The following UBE2E2 variants were observed in gnomAD, a reference collection of about 807,000 sequenced individuals.
The protein encoded by UBE2E2 is ubiquitin-conjugating enzyme E2 E2.
In UBE2E2, 6 loss-of-function variants were observed where a neutral mutation model predicts 24.7. The ratio of observed to expected loss-of-function variants is 0.24; its 90% CI spans 0.13 to 0.48. The LOEUF (loss-of-function observed/expected upper bound fraction) is 0.48. UBE2E2 is among the 20% of genes least tolerant of loss of function. The pLI, the probability that UBE2E2 is intolerant of heterozygous loss-of-function variation, is 0.99. For missense variants in UBE2E2, 169 were observed against 245.0 expected (o/e 0.69, Z 2.07); for synonymous variants, 104 against 83.6 (o/e 1.24, Z -1.33).
chr3:23,286,865 G>A (rs1698626678), intron 3 of UBE2E2, among the ~76,000 whole-genome samples: 1 of 152,066 alleles, frequency 6.6e-6, no homozygotes, highest in Non-Finnish European at 1.5e-5. Context: ...TCACTTCTTA[G>A]ATTAAGCTAA....
chr3:23,473,355 A>T (rs1224040977), intron 3 of UBE2E2, among the ~76,000 whole-genome samples: 3 of 152,112 alleles, frequency 2.0e-5, no homozygotes, highest in African/African-American at 7.3e-5. Context: ...TTTACTGATT[A>T]TCCCCAGGGG....
intron 3 of UBE2E2, among the ~76,000 whole-genome samples, chr3:23,288,764 T>TA (rs914362751): frequency 1.2e-3 from 168 of 145,392 alleles, no homozygotes; most frequent in Admixed American, 1.8e-3. Context: ...TCTTACAATG[T>TA]AAAAAAAAAA....
intron 3 of UBE2E2, among the ~76,000 whole-genome samples, chr3:23,335,410 G>A (rs1695176503): frequency 6.6e-6 from 1 of 152,096 alleles, no homozygotes; most frequent in African/African-American, 2.4e-5. Flanking sequence ...GCATTTTCGG[G>A]GGTAGATTGC....
Position 23,474,089 on chromosome 3 carries a change from A to G in UBE2E2, c.228-25519A>G, listed in dbSNP as rs1431415579. 2.6e-5 allele frequency among the ~76,000 whole-genome samples: 4 copies of G among 151,730 alleles called. No individual in the cohort carries two copies. Among genetic ancestry groups the G allele is most frequent in the Admixed American group, 6.6e-5 (1 of 15,260 alleles). On this transcript the variant is annotated intron_variant, in intron 3 of 5. Coordinates refer to ENST00000396703, the MANE Select transcript of UBE2E2 (RefSeq NM_152653.4). The surrounding 1 kb of genome is among the most constrained non-coding windows in gnomAD (Gnocchi z 4.0). ...ATATATTTTTTTATTTTTTTGCGGG[A>G]GTAAGATGGTATCGCATTGTGGTTT...
intron 3 of UBE2E2, among the ~76,000 whole-genome samples, chr3:23,223,452 C>CA (rs1041021079): frequency 3.3e-5 from 5 of 152,138 alleles, no homozygotes. Context: ...CTTGGCCTCC[C>CA]AAAGTGCTAG....
chr3:23,254,281 C>T (rs891181155), intron 3 of UBE2E2, among the ~76,000 whole-genome samples: 7 of 152,172 alleles, frequency 4.6e-5, no homozygotes, highest in Non-Finnish European at 8.8e-5. Context: ...AATATGCCAA[C>T]TGATGCTTAC....
intron 4 of UBE2E2, among the ~76,000 whole-genome samples, chr3:23,527,446 T>G (rs1442614421): frequency 6.6e-6 from 1 of 152,164 alleles, no homozygotes; most frequent in Non-Finnish European, 1.5e-5. Context: ...TATATACTAT[T>G]TGGTCCTGAT....
chr3:23,579,917 G>C (rs557617259), intron 5 of UBE2E2, among the ~76,000 whole-genome samples: 2 of 152,268 alleles, frequency 1.3e-5, no homozygotes, highest in East Asian at 3.9e-4. Context: ...TGGATGATTT[G>C]AGGGTTTCAC....
In UBE2E2 at chr3:23,507,505, T is replaced by G. The variant is rs540355697; in HGVS notation, c.360+7765T>G. Among the ~76,000 whole-genome samples the G allele has an allele frequency of 4.8e-4, 73 of 152,336 alleles. 1 individual carries two copies. The highest frequency in any genetic ancestry group is 1.7e-3 in the African/African-American group (71 of 41,570). On this transcript the variant is annotated intron_variant, in intron 4 of 5. Coordinates refer to ENST00000396703, the MANE Select transcript of UBE2E2 (RefSeq NM_152653.4). ...ATAAAAATTTGTTGAATTAGTTAAATGCATGTAACTGTGCCCTAAGCAAAA... is the reference window on the plus strand; with the variant it reads ...ATAAAAATTTGTTGAATTAGTTAAAGGCATGTAACTGTGCCCTAAGCAAAA...
intron 3 of UBE2E2, among the ~76,000 whole-genome samples, chr3:23,309,800 G>A (rs1575551365): frequency 6.6e-6 from 1 of 152,164 alleles, no homozygotes; most frequent in East Asian, 1.9e-4. Context: ...CCAGGTTGAT[G>A]CTGGTTTTTG....
At chr3:23,559,940 A>T (rs1695881689) in intron 5 of UBE2E2, among the ~76,000 whole-genome samples, 1 of 152,134 alleles carries the variant, frequency 6.6e-6, no homozygotes, top group Non-Finnish European at 1.5e-5. Flanking sequence ...CCTCATGCAC[A>T]TAGTGGGTGT....
chr3:23,316,722 G>A (rs1035940820), intron 3 of UBE2E2, among the ~76,000 whole-genome samples: 5 of 151,942 alleles, frequency 3.3e-5, no homozygotes, highest in Admixed American at 2.6e-4. Context: ...ACCTAATGGT[G>A]GCACGCCTCA....
intron 5 of UBE2E2, among the ~76,000 whole-genome samples, chr3:23,548,558 T>C (rs946438233): frequency 6.6e-6 from 1 of 152,140 alleles, no homozygotes; most frequent in Admixed American, 6.6e-5. Flanking sequence ...AGACAGAACT[T>C]TGCGGTGTAT....
chr3:23,229,140 T>C (rs1018836160), intron 3 of UBE2E2, among the ~76,000 whole-genome samples: 5 of 152,208 alleles, frequency 3.3e-5, no homozygotes, highest in African/African-American at 1.2e-4. Context: ...TCAGTATATC[T>C]GTGAATTAGT....
intron 3 of UBE2E2, among the ~76,000 whole-genome samples, chr3:23,320,707 C>A (rs982502662): frequency 6.6e-6 from 1 of 152,180 alleles, no homozygotes; most frequent in African/African-American, 2.4e-5. Context: ...GAAGCTGCGA[C>A]CTTGGATTTG....
At chr3:23,285,396 TG>T (rs1698593852) in intron 3 of UBE2E2, among the ~76,000 whole-genome samples, 1 of 152,214 alleles carries the variant, frequency 6.6e-6, no homozygotes, top group South Asian at 2.1e-4. Context: ...TACTTAGCAG[TG>T]GGATTGCTGG....
At chr3:23,237,425 T>G (rs555487472) in intron 3 of UBE2E2, among the ~76,000 whole-genome samples, 206 of 152,308 alleles carry the variant, frequency 1.4e-3, no homozygotes, top group African/African-American at 4.7e-3. Flanking sequence ...TTGTTACTTG[T>G]GTGTGACCCT....
At chr3:23,544,859 CCGAGAGGGG>C (rs1316827319) in intron 5 of UBE2E2, among the ~76,000 whole-genome samples, 3 of 152,004 alleles carry the variant, frequency 2.0e-5, no homozygotes, top group Admixed American at 2.0e-4. Flanking sequence ...GGGTGTTTCT[CCGAGAGGGG>C]GATGTGTCAG....
chr3:23,391,687 T>G (rs1480277706), intron 3 of UBE2E2, among the ~76,000 whole-genome samples: 1 of 152,198 alleles, frequency 6.6e-6, no homozygotes, highest in African/African-American at 2.4e-5. Flanking sequence ...CCGCATATTT[T>G]TGGCTTCTGA....
Sources: gnomAD v4.1 joint callset for allele counts (sites outside exome capture counted in the v4.1 genomes callset) on GRCh38, gnomAD v4.1.1 for gene constraint, Gnocchi (gnomAD v3.1) non-coding constraint, MANE v1.5 for transcripts, NCBI Gene and HGNC (gene_info 2026-07-23, HGNC 2026-07-21) for gene names.